FYN: variants seen among roughly 807,000 people sequenced by gnomAD.
FYN encodes tyrosine-protein kinase Fyn.
In FYN, 10 loss-of-function variants were observed where a neutral mutation model predicts 70.2. That is an observed-to-expected ratio of 0.14 (90% CI 0.09 to 0.24). The LOEUF (loss-of-function observed/expected upper bound fraction) is 0.24. Among genes scored for constraint, FYN ranks in the 10% least tolerant of loss-of-function variants. FYN has a pLI of 1.00. For missense variants in FYN, 319 were observed against 673.1 expected (o/e 0.47, Z 5.82); for synonymous variants, 236 against 248.6 (o/e 0.95, Z 0.48).
chr6:111,730,786 A>G (rs1237392864), intron 3 of FYN, among the ~76,000 whole-genome samples: 3 of 152,234 alleles, frequency 2.0e-5, no homozygotes, highest in Non-Finnish European at 2.9e-5. Context: ...TGATGTTGAT[A>G]TCCAATCAAG....
intron 2 of FYN, among the ~76,000 whole-genome samples, chr6:111,785,092 GCTTT>G (rs1416551274): frequency 6.6e-6 from 1 of 152,172 alleles, no homozygotes; most frequent in African/African-American, 2.4e-5. Context: ...GAAGAAACGT[GCTTT>G]CTATCAAGGA....
intron 4 of FYN, among the ~76,000 whole-genome samples, chr6:111,719,335 G>T (rs910673812): frequency 2.6e-5 from 4 of 151,538 alleles, no homozygotes; most frequent in Non-Finnish European, 5.9e-5. Flanking sequence ...AAGAAAGGCA[G>T]GCTGAGGATT....
intron 2 of FYN, among the ~76,000 whole-genome samples, chr6:111,839,920 C>T (rs1422247920): frequency 6.6e-6 from 1 of 152,076 alleles, no homozygotes; most frequent in Non-Finnish European, 1.5e-5. Flanking sequence ...CCCAGTTTCC[C>T]CCAAAGACTG....
intron 2 of FYN, among the ~76,000 whole-genome samples, chr6:111,781,949 T>G (rs1771190567): frequency 6.6e-6 from 1 of 152,232 alleles, no homozygotes; most frequent in Admixed American, 6.5e-5. Context: ...TATTCATAAT[T>G]TCTATTAAGG....
chr6:111,751,023 A>T (rs1056219049), intron 3 of FYN, among the ~76,000 whole-genome samples: 6 of 152,218 alleles, frequency 3.9e-5, no homozygotes, highest in African/African-American at 1.4e-4. Flanking sequence ...CATTATCTAC[A>T]GAGTCACACT....
At chr6:111,762,794 TA>T (rs879483968) in intron 3 of FYN, among the ~76,000 whole-genome samples, 358 of 142,488 alleles carry the variant, frequency 2.5e-3, no homozygotes, top group Middle Eastern at 7.0e-3. Context: ...GTGATGAGCT[TA>T]AAAAAAAAAA....
intron 6 of FYN, among the ~76,000 whole-genome samples, chr6:111,706,936 G>C (rs1379489858): frequency 1.3e-5 from 2 of 152,184 alleles, no homozygotes; most frequent in African/African-American, 4.8e-5. Flanking sequence ...GAGTATTTGA[G>C]AGTGGGAAAC....
intron 13 of FYN, among the ~76,000 whole-genome samples, chr6:111,669,396 C>T (rs1798158936): frequency 7.7e-6 from 1 of 129,830 alleles, no homozygotes; most frequent in Non-Finnish European, 1.6e-5. Context: ...GATCATGCCA[C>T]TGCATTCCCG....
At chr6:111,816,961 C>T (rs1182549810) in intron 2 of FYN, among the ~76,000 whole-genome samples, 2 of 152,024 alleles carry the variant, frequency 1.3e-5, no homozygotes, top group Non-Finnish European at 2.9e-5. Context: ...CATAGTAAGA[C>T]TGAAAATAAA....
intron 2 of FYN, among the ~76,000 whole-genome samples, chr6:111,791,568 C>T (rs1164088251): frequency 4.6e-5 from 7 of 152,168 alleles, no homozygotes; most frequent in South Asian, 2.1e-4. Flanking sequence ...GTGGGGAAGA[C>T]GGCCATGTGG....
intron 2 of FYN, among the ~76,000 whole-genome samples, chr6:111,788,232 T>C (rs1179540885): frequency 6.6e-6 from 1 of 152,238 alleles, no homozygotes; most frequent in Non-Finnish European, 1.5e-5. Flanking sequence ...GGCCAGGTCC[T>C]TGAGGGCAAG....
At chr6:111,796,504 C>T (rs1204124942) in intron 2 of FYN, among the ~76,000 whole-genome samples, 1 of 152,170 alleles carries the variant, frequency 6.6e-6, no homozygotes, top group East Asian at 1.9e-4. Flanking sequence ...ATGATGTTTA[C>T]ACAATGACAA....
At chr6:111,792,960 G>A (rs565749269) in intron 2 of FYN, among the ~76,000 whole-genome samples, 5 of 152,148 alleles carry the variant, frequency 3.3e-5, no homozygotes, top group Non-Finnish European at 5.9e-5. Flanking sequence ...TGGTTACAAA[G>A]GAGAGTTCAC....
At position 111,755,813 on chromosome 6, in the gene FYN, T is replaced by A. The variant is rs144583076; in HGVS notation, c.-12+24753A>T. Among the ~76,000 whole-genome samples the A allele has an allele frequency of 6.8e-3, 1,039 of 152,246 alleles. 8 individuals are homozygous for A. Among genetic ancestry groups the A allele is most frequent in the Middle Eastern group, 0.02 (6 of 294 alleles). ...AGAAATAATTATGGTAATTACAACA[T>A]TCTTATAACTGAGTGATGATAAAAA... is the stretch of plus-strand genomic sequence containing the variant. On this transcript the variant is annotated intron_variant, in intron 3 of 13. Coordinates refer to ENST00000354650, the MANE Select transcript of FYN (RefSeq NM_002037.5).
chr6:111,687,834 A>T (rs1004235156), intron 12 of FYN, among the ~76,000 whole-genome samples: 1 of 152,168 alleles, frequency 6.6e-6, no homozygotes, highest in Non-Finnish European at 1.5e-5. Context: ...CTATTTTAAG[A>T]GGAAGAAATA....
intron 3 of FYN, among the ~76,000 whole-genome samples, chr6:111,744,925 C>T (rs898249736): frequency 1.3e-5 from 2 of 152,052 alleles, no homozygotes; most frequent in Non-Finnish European, 2.9e-5. Context: ...GAAAGTACAA[C>T]CCCGGCAAAG....
chr6:111,850,799 C>T (rs6927051), intron 1 of FYN, among the ~76,000 whole-genome samples: 4,625 of 152,322 alleles, frequency 0.03, 149 homozygotes, highest in South Asian at 0.075. Context: ...GGACCATCCA[C>T]GCTCAGGGTC....
intron 12 of FYN, among the ~76,000 whole-genome samples, chr6:111,693,064 C>T (rs1799410561): frequency 1.3e-5 from 2 of 152,188 alleles, no homozygotes; most frequent in African/African-American, 2.4e-5. Context: ...GCTGTCTGAC[C>T]GACATGTAAT....
At chr6:111,697,870 TGTGA>T (rs1416143309) in intron 9 of FYN, among the ~76,000 whole-genome samples, 3 of 152,210 alleles carry the variant, frequency 2.0e-5, no homozygotes, top group Non-Finnish European at 2.9e-5. Flanking sequence ...TCTGTGATTG[TGTGA>T]GTAATTTGAC....
Sources: gnomAD v4.1 joint callset for allele counts (sites outside exome capture counted in the v4.1 genomes callset) on GRCh38, gnomAD v4.1.1 for gene constraint, MANE v1.5 for transcripts, NCBI Gene and HGNC (gene_info 2026-07-23, HGNC 2026-07-21) for gene names.